Variants in PTPRS observed in about 807,000 individuals in gnomAD.
PTPRS encodes the protein protein tyrosine phosphatase receptor type S.
In PTPRS, 63 loss-of-function variants were observed where a neutral mutation model predicts 215.3. The ratio of observed to expected loss-of-function variants is 0.29; its 90% CI spans 0.24 to 0.36. The LOEUF is 0.36. Ranked by LOEUF, PTPRS falls within the 10% of genes least tolerant of loss-of-function variation. The probability of loss-of-function intolerance (pLI) is 1.00; values close to 1 mark genes in which losing one functional copy is unlikely to be tolerated. For missense variants in PTPRS, 2,258 were observed against 2,825.8 expected (o/e 0.80, Z 4.56); for synonymous variants, 1,404 against 1,191.4 (o/e 1.18, Z -3.68).
At chr19:5,327,126 C>A (rs1484904060) in intron 1 of PTPRS, among the ~76,000 whole-genome samples, 1 of 152,190 alleles carries the variant, frequency 6.6e-6, no homozygotes, top group Non-Finnish European at 1.5e-5. Context: ...ACTCGGTCTG[C>A]GCAGGGCTTG....
At chr19:5,221,282 C>T (rs771495463) in intron 19 of PTPRS, 29 bp from the exon 20 acceptor site, 1 of 1,594,450 alleles carries the variant, frequency 6.3e-7, no homozygotes. Context: ...TCAGCAGGGC[C>T]TGGTGGGCTC....
intron 23 of PTPRS, 34 bp from the exon 24 acceptor site, chr19:5,218,832 G>GA (rs759079886): frequency 2.3e-5 from 36 of 1,572,946 alleles, no homozygotes; most frequent in Non-Finnish European, 2.9e-5. Flanking sequence ...TGAGAAGGGG[G>GA]AAAAAAAGAA....
chr19:5,267,396 C>T (rs976683052), intron 4 of PTPRS, among the ~76,000 whole-genome samples: 2 of 152,078 alleles, frequency 1.3e-5, no homozygotes, highest in Admixed American at 6.6e-5. Context: ...GGGGCTCACA[C>T]CTGTAATCCC....
rs140007234 is a variant in PTPRS, at chr19:5,219,960, G to A, written c.3744C>T (p.Ala1248=). The A allele has an allele frequency of 1.9e-5, 30 of 1,613,694 alleles. No individual in the cohort carries two copies. Among genetic ancestry groups the A allele is most frequent in the African/African-American group, 1.1e-4 (8 of 74,928 alleles). The change falls in exon 22 of 38, where the codon GCC becomes GCT. Residue 1248 remains alanine, a synonymous_variant. Coordinates refer to ENST00000262963, the MANE Select transcript of PTPRS (RefSeq NM_002850.4). ...PGHRYVLFVL[A]VLQKSEPTFA... The stretch of plus-strand genomic sequence containing the variant: ...TTACAGGCTCGCTCTTCTGAAGCAC[G>A]GCAAGCACGAAGAGGACATAGCGGT...
intron 1 of PTPRS, among the ~76,000 whole-genome samples, chr19:5,296,323 CCAT>C (rs1326427291): frequency 6.6e-6 from 1 of 151,898 alleles, no homozygotes; most frequent in African/African-American, 2.4e-5. Flanking sequence ...GCAATATAGC[CCAT>C]CATCTCTACA....
At chr19:5,264,806 T>G (rs2146375555) in intron 5 of PTPRS, among the ~76,000 whole-genome samples, 1 of 152,302 alleles carries the variant, frequency 6.6e-6, no homozygotes, top group South Asian at 2.1e-4. Context: ...TCTCCAGTAC[T>G]CATGCCCATC....
chr19:5,238,883 C>A, intron 13 of PTPRS, 36 bp downstream of exon 13: 1 of 1,554,914 alleles, frequency 6.4e-7, no homozygotes. Context: ...GCCGTGGTCC[C>A]TCCCGCAGAG....
At chr19:5,260,866 T>C (rs1238128512) in intron 6 of PTPRS, 44 bp from the exon 7 acceptor site, 1 of 1,499,292 alleles carries the variant, frequency 6.7e-7, no homozygotes, top group East Asian at 2.5e-5. Flanking sequence ...CACAAGGCGG[T>C]TGTTGGGGGG....
At chr19:5,296,267 T>C (rs930645153) in intron 1 of PTPRS, among the ~76,000 whole-genome samples, 3 of 151,982 alleles carry the variant, frequency 2.0e-5, no homozygotes, top group African/African-American at 4.8e-5. Context: ...GGTTGTAGGA[T>C]GAGGAGGGAG....
At chr19:5,286,272 GA>G (rs912690657) in intron 1 of PTPRS, 38 bp from the exon 2 acceptor site, 4 of 981,340 alleles carry the variant, frequency 4.1e-6, no homozygotes, top group Admixed American at 4.1e-5. Flanking sequence ...GGCGAGTGGG[GA>G]AATCCAGGAG....
In PTPRS at chr19:5,218,441, G is replaced by A. The variant is rs753143589; in HGVS notation, c.4027C>T (p.Arg1343Cys). Reference protein sequence around the residue: ...HHPKDPVEMRRINFQTPDSGL... With the variant: ...HHPKDPVEMRCINFQTPDSGL... ...ATACCTGGAGTCTGGAAGTTAATGC[G>A]TCTCATTTCCACAGGGTCCTTGGGG... is the stretch of plus-strand genomic sequence containing the variant. Residue 1343 changes from arginine (R) to cysteine (C), a missense_variant, in exon 25 of 38, where the codon CGC becomes TGC. Physicochemically the swap from Arg to Cys is radical, Grantham distance 180. Transcript: ENST00000262963. 5.6e-6 allele frequency: 9 copies of A among 1,613,736 alleles called. No homozygotes were observed. Among genetic ancestry groups the A allele is most frequent in the East Asian group, 2.2e-5 (1 of 44,880 alleles).
At chr19:5,266,432 G>A (rs1350388336) in intron 4 of PTPRS, among the ~76,000 whole-genome samples, 1 of 152,002 alleles carries the variant, frequency 6.6e-6, no homozygotes, top group African/African-American at 2.4e-5. Flanking sequence ...GCCTGGCCCA[G>A]AGGACACCGT....
intron 9 of PTPRS, 102 bp downstream of exon 9, chr19:5,256,006 G>A (rs139856492): frequency 4.4e-5 from 39 of 879,490 alleles, no homozygotes; most frequent in Non-Finnish European, 6.0e-5. Flanking sequence ...GTGTGTCAGC[G>A]TGTGTCCGTG....
chr19:5,246,212 A>T (rs1385121220), intron 9 of PTPRS, among the ~76,000 whole-genome samples, 167 bp from the exon 10 acceptor site: 1 of 152,176 alleles, frequency 6.6e-6, no homozygotes, highest in Non-Finnish European at 1.5e-5. Context: ...TTTAAATATA[A>T]ACAGGGCTGG....
At chr19:5,251,296 G>A (rs1014786852) in intron 9 of PTPRS, among the ~76,000 whole-genome samples, 6 of 136,014 alleles carry the variant, frequency 4.4e-5, no homozygotes, top group African/African-American at 1.1e-4. Context: ...CCCCCCCACC[G>A]CCAGCTCCCT....
At chr19:5,328,410 G>A (rs916817335) in intron 1 of PTPRS, among the ~76,000 whole-genome samples, 4 of 151,786 alleles carry the variant, frequency 2.6e-5, no homozygotes, top group African/African-American at 7.3e-5. Flanking sequence ...ACAGCTGGCT[G>A]TATTTTTAGT....
Position 5,260,947 on chromosome 19 carries a change from G to A in PTPRS, c.578-125C>T, listed in dbSNP as rs146641190. On this transcript the variant is annotated intron_variant, in intron 6 of 37. Transcript: ENST00000262963. The stretch of plus-strand genomic sequence containing the variant: ...AGCACTCTGCCCCAGGGAGGGGATC[G>A]AGCCAGCCCTGGGCATACGGACCCT... The A allele has an allele frequency of 1.6e-4, 184 of 1,170,136 alleles. No homozygotes were observed. The African/African-American group carries it at 2.4e-3, about 15-fold the overall frequency. The allele number at this position is 1,170,136 out of a possible 1,614,324, so 72.5% of individuals were successfully genotyped here. A position where few individuals can be genotyped will look rare whatever the true frequency, so the allele number is the denominator to read the frequency against.
chr19:5,233,874 A>T (rs1006672608), intron 13 of PTPRS, among the ~76,000 whole-genome samples: 1 of 130,194 alleles, frequency 7.7e-6, no homozygotes, highest in Non-Finnish European at 1.6e-5. Flanking sequence ...TGAACCTGGG[A>T]GGCGGAAGTT....
chr19:5,225,641 G>A, intron 17 of PTPRS, 86 bp downstream of exon 17: 4 of 1,182,028 alleles, frequency 3.4e-6, no homozygotes, highest in Non-Finnish European at 5.0e-6. Context: ...GCCTGCCCTT[G>A]TGAGCTCAAG....
Sources: gnomAD v4.1 joint callset for allele counts (sites outside exome capture counted in the v4.1 genomes callset) on GRCh38, gnomAD v4.1.1 for gene constraint, MANE v1.5 for transcripts, NCBI Gene and HGNC (gene_info 2026-07-23, HGNC 2026-07-21) for gene names.